The following HOXB2 variants were observed in gnomAD, a reference collection of about 807,000 sequenced individuals.
HOXB2 encodes homeobox protein Hox-B2.
HOXB2 carries 14 observed loss-of-function variants against 13.1 expected under a neutral mutation model. The observed-to-expected ratio is 1.07, with a 90% CI of 0.71 to 1.67. The LOEUF (loss-of-function observed/expected upper bound fraction) is 1.67, where lower values mean the gene tolerates loss of function less well. Among genes scored for constraint, HOXB2 ranks in the 40% most tolerant of loss-of-function variants. The pLI is 0.00. For missense variants in HOXB2, 582 were observed against 488.3 expected, an observed-to-expected ratio of 1.19 and a Z score of -1.81; for synonymous variants, 261 against 233.1, an observed-to-expected ratio of 1.12 and a Z score of -1.09.
At position 48,543,709 on chromosome 17, in the gene HOXB2, G is replaced by C. The variant is rs770484006; in HGVS notation, c.430C>G (p.Arg144Gly). ...TTGGTGTAAGCCGTGCGCAGCCTGCGCGCCCCGCCGCCACCAGCCTCCGGC... is the reference window on the plus strand; with the variant it reads ...TTGGTGTAAGCCGTGCGCAGCCTGCCCGCCCCGCCGCCACCAGCCTCCGGC... Reference protein sequence around the residue: ...GLPEAGGGGARRLRTAYTNTQ... With the variant: ...GLPEAGGGGAGRLRTAYTNTQ... Residue 144 changes from arginine to glycine, a missense_variant, in exon 2 of 2, where the codon CGC (arginine) becomes GGC (glycine). Physicochemically the swap from Arg to Gly is moderately radical, Grantham distance 125 (BLOSUM62 -2). Coordinates refer to ENST00000330070, the MANE Select transcript of HOXB2 (RefSeq NM_002145.4). 9.9e-6 allele frequency: 16 copies of C among 1,608,152 alleles called. No individual in the cohort carries two copies. The highest frequency in any genetic ancestry group is 1.4e-5 in the Non-Finnish European group (16 of 1,177,096).
intron 1 of HOXB2, chr17:48,544,035 C>T (rs2068538755): frequency 2.4e-6 from 3 of 1,260,002 alleles, no homozygotes; most frequent in Non-Finnish European, 3.0e-6. Flanking sequence ...CCCTCCCAAG[C>T]CCTCCCAGTG....
In HOXB2 at chr17:48,543,633, C is replaced by T; in HGVS notation, c.506G>A (p.Cys169Tyr). Residue 169 changes from cysteine to tyrosine, a missense_variant, in exon 2 of 2, where the codon TGC (cysteine) becomes TAC (tyrosine). Transcript: ENST00000330070. ...CGCGATCTCGACGCGGCGTGGCCGG[C>T]ACAGGTACTTATTAAAGTGGAATTC... ...EKEFHFNKYL[C>Y]RPRRVEIAAL... 6.2e-7 allele frequency: 1 copy of T among 1,613,696 alleles called. No individual in the cohort carries two copies. The highest frequency in any genetic ancestry group is 8.5e-7 in the Non-Finnish European group (1 of 1,179,994).
At position 48,543,712 on chromosome 17, in the gene HOXB2, C is replaced by T. The variant is rs1483289473; in HGVS notation, c.427G>A (p.Ala143Thr). Residue 143 changes from alanine (A) to threonine (T), a missense_variant, in exon 2 of 2, where the codon GCG (alanine) becomes ACG (threonine). Physicochemically the swap from Ala to Thr is moderately conservative, Grantham distance 58. Coordinates refer to ENST00000330070, the MANE Select transcript of HOXB2 (RefSeq NM_002145.4). ...LGLPEAGGGGARRLRTAYTNT... is the reference protein window; with the variant it reads ...LGLPEAGGGGTRRLRTAYTNT... Reference sequence around the variant, plus strand: ...GTGTAAGCCGTGCGCAGCCTGCGCGCCCCGCCGCCACCAGCCTCCGGCAGT... The same window carrying T: ...GTGTAAGCCGTGCGCAGCCTGCGCGTCCCGCCGCCACCAGCCTCCGGCAGT... 1.1e-5 allele frequency: 17 copies of T among 1,608,578 alleles called. No homozygotes were observed. The highest frequency in any genetic ancestry group is 1.4e-5 in the Non-Finnish European group (16 of 1,177,210).
intron 1 of HOXB2, 25 bp downstream of exon 1, chr17:48,544,496 C>T (rs1248733627): frequency 1.3e-6 from 2 of 1,581,936 alleles, no homozygotes; most frequent in Non-Finnish European, 1.7e-6. Flanking sequence ...CTGCCCCTCA[C>T]CCCACCCCCA....
rs200745542 is a variant in HOXB2, at chr17:48,544,592, G to A, written c.320C>T (p.Pro107Leu). The A allele has an allele frequency of 3.1e-5, 50 of 1,609,100 alleles. No homozygotes were observed. In the East Asian group the frequency reaches 1.1e-3, roughly 36 times the overall value. ...WMKEKKSAKK[P>L]SQSATSPSPA... is the part of the protein sequence containing the mutation. ...AGAAGGAGACGTGGCGGATTGGCTGGGTTTCTTGGCGGATTTCTTCTCTTT... is the reference window on the plus strand; with the variant it reads ...AGAAGGAGACGTGGCGGATTGGCTGAGTTTCTTGGCGGATTTCTTCTCTTT... The change falls in exon 1 of 2, where the codon CCC (proline) becomes CTC (leucine). Residue 107 changes from proline to leucine, a missense_variant. Coordinates refer to ENST00000330070, the MANE Select transcript of HOXB2 (RefSeq NM_002145.4).
Position 48,545,041 on chromosome 17 carries a change from CTTTT to C in HOXB2, c.-134_-131del. ...TTGGGAGGGGGAGATTTCGGTCTCT[CTTTT>C]TTTTAATTTTGGGCCTTTATAATTG... On this transcript the variant is annotated 5_prime_UTR_variant, in exon 1 of 2. Coordinates refer to ENST00000330070, the MANE Select transcript of HOXB2 (RefSeq NM_002145.4). 2.6e-6 allele frequency: 2 copies of C among 758,498 alleles called. No individual in the cohort carries two copies. The highest frequency in any genetic ancestry group is 2.8e-5 in the East Asian group (1 of 35,172). 47.0% of individuals were successfully genotyped at this position (758,498 alleles called of 1,614,324 possible).
In HOXB2 at chr17:48,543,449, G is replaced by T; in HGVS notation, c.690C>A (p.Ala230=). 1 of 1,604,170 alleles carries T rather than the reference G, an allele frequency of 6.2e-7. No homozygotes were observed. The highest frequency in any genetic ancestry group is 1.1e-5 in the South Asian group (1 of 90,616). The part of the protein sequence containing the change: ...DICDPAEEPA[A]SPGGPSASRA... ...GCGAGGCGGAGGGGCCGCCCGGGCT[G>T]GCCGCGGGTTCCTCGGCAGGGTCGC... The change falls in exon 2 of 2, where the codon GCC becomes GCA. Residue 230 remains alanine, a synonymous_variant. Transcript: ENST00000330070.
Position 48,543,309 on chromosome 17 carries a change from C to A in HOXB2, c.830G>T (p.Cys277Phe). The A allele has an allele frequency of 6.2e-7, 1 of 1,601,714 alleles. No homozygotes were observed. The highest frequency in any genetic ancestry group is 1.1e-5 in the South Asian group (1 of 90,792). Residue 277 changes from cysteine to phenylalanine, a missense_variant, in exon 2 of 2, where the codon TGC becomes TTC. By Grantham distance (205) the Cys-to-Phe change is radical (BLOSUM62 -2). Coordinates refer to ENST00000330070, the MANE Select transcript of HOXB2 (RefSeq NM_002145.4). ...CAGCCCGCCGGCCCCGCGCAGCGCG[C>A]AGCCGGGACTCGACGCGCCTGCGCC... ...LEGAGASSPG[C>F]ALRGAGGLEP...
rs779952951 is a variant in HOXB2, at chr17:48,543,676, G to A, written c.463C>T (p.Leu155=). Reference sequence around the variant, plus strand: ...TGGAATTCCTTCTCCAGTTCCAGCAGCTGCGTGTTGGTGTAAGCCGTGCGC... The same window carrying A: ...TGGAATTCCTTCTCCAGTTCCAGCAACTGCGTGTTGGTGTAAGCCGTGCGC... The part of the protein sequence containing the change: ...RLRTAYTNTQ[L]LELEKEFHFN... Residue 155 remains leucine (L), a synonymous_variant, in exon 2 of 2, where the codon CTG becomes TTG. Transcript: ENST00000330070. 3.7e-6 allele frequency: 6 copies of A among 1,613,416 alleles called. No homozygotes were observed. Among genetic ancestry groups the A allele is most frequent in the Non-Finnish European group, 5.1e-6 (6 of 1,179,968 alleles).
At position 48,543,414 on chromosome 17, in the gene HOXB2, C is replaced by T. The variant is rs1287690917; in HGVS notation, c.725G>A (p.Trp242Ter). ...CTCCGGCGGGTGACAGCAGGCTTCC[C>T]ACGCCGCCCGCGAGGCGGAGGGGCC... ...PGGPSASRAAWEACCHPPEVV... is the reference protein window; with the variant it reads ...PGGPSASRAA Residue 242 changes from tryptophan to a stop codon, truncating the protein, a stop_gained, in exon 2 of 2, where the codon TGG becomes TAG. Coordinates refer to ENST00000330070, the MANE Select transcript of HOXB2 (RefSeq NM_002145.4). LOFTEE classifies it low-confidence loss of function (END_TRUNC). The T allele has an allele frequency of 6.3e-7, 1 of 1,583,818 alleles. No individual in the cohort carries two copies. The highest frequency in any genetic ancestry group is 8.6e-7 in the Non-Finnish European group (1 of 1,168,188).
At position 48,544,948 on chromosome 17, in the gene HOXB2, G is replaced by GGGGGGGGGGGGGGGGGGGGGGC; in HGVS notation, c.-38_-37insGCCCCCCCCCCCCCCCCCCCCC. The GGGGGGGGGGGGGGGGGGGGGGC allele has an allele frequency of 1.0e-5, 11 of 1,051,184 alleles. No individual in the cohort carries two copies. In the East Asian group the frequency reaches 2.0e-4, roughly 19 times the overall value. The allele number at this position is 1,051,184 out of a possible 1,614,324, so 65.1% of individuals were successfully genotyped here. ...GTGGGGGAGGGGGCTGCTGGGGGGG[G>GGGGGGGGGGGGGGGGGGGGGGC]CGTCAGGAGGGAGGATCGGAAGGGA... On this transcript the variant is annotated 5_prime_UTR_variant, in exon 1 of 2. Coordinates refer to ENST00000330070, the MANE Select transcript of HOXB2 (RefSeq NM_002145.4).
At position 48,543,088 on chromosome 17, in the gene HOXB2, T is replaced by A. The variant is rs145797883; in HGVS notation, c.1051A>T (p.Ile351Phe). ...ACAGGTTAGGGAAACTGCAGGTCGATGGCACAGAGCGTACTGGTGAAAAAA... is the reference window on the plus strand; with the variant it reads ...ACAGGTTAGGGAAACTGCAGGTCGAAGGCACAGAGCGTACTGGTGAAAAAA... Reference protein sequence around the residue: ...LDFFTSTLCAIDLQFP With the variant: ...LDFFTSTLCAFDLQFP The change falls in exon 2 of 2, where the codon ATC becomes TTC. Residue 351 changes from isoleucine (I) to phenylalanine (F), a missense_variant. Physicochemically the swap from Ile to Phe is conservative, Grantham distance 21 (BLOSUM62 0). Transcript: ENST00000330070. 2 of 1,603,964 alleles carry A rather than the reference T, an allele frequency of 1.2e-6. No individual in the cohort carries two copies. The highest frequency in any genetic ancestry group is 2.7e-5 in the African/African-American group (2 of 74,018).
Position 48,544,533 on chromosome 17 carries a change from C to G in HOXB2, c.379G>C (p.Gly127Arg), listed in dbSNP as rs1268085680. 4 of 1,604,074 alleles carry G rather than the reference C, an allele frequency of 2.5e-6. No homozygotes were observed. The highest frequency in any genetic ancestry group is 2.5e-6 in the Non-Finnish European group (3 of 1,179,430). ...CACGCTTACCGACCTGCAGGCGATC[C>G]GACCCCGGAGGCCGGAACGGCGGAG... Reference protein sequence around the residue: ...AASAVPASGVGSPADGLGLPE... With the variant: ...AASAVPASGVRSPADGLGLPE... The change falls in exon 1 of 2, where the codon GGA becomes CGA. Residue 127 changes from glycine to arginine, a missense_variant. Gly to Arg is a moderately radical substitution (Grantham distance 125, BLOSUM62 -2). Transcript: ENST00000330070.
rs1239004949 is a variant in HOXB2 at position 48,543,279 on chromosome 17, G to C, written c.860C>G (p.Pro287Arg). 6.2e-6 allele frequency: 10 copies of C among 1,604,554 alleles called. No homozygotes were observed. Among genetic ancestry groups the C allele is most frequent in the Non-Finnish European group, 8.5e-6 (10 of 1,178,840 alleles). The change falls in exon 2 of 2, where the codon CCC (proline) becomes CGC (arginine). Residue 287 changes from proline to arginine, a missense_variant. Pro to Arg is a moderately radical substitution (Grantham distance 103). Transcript: ENST00000330070. ...GAAGACGTCTTCTGGCAATGGCCCG[G>C]GCTCCAGCCCGCCGGCCCCGCGCAG... The part of the protein sequence containing the change: ...CALRGAGGLE[P>R]GPLPEDVFSG...
Position 48,542,818 on chromosome 17 carries a change from G to C in HOXB2, c.*250C>G, listed in dbSNP as rs1429487159. The C allele has an allele frequency of 2.7e-6, 1 of 369,366 alleles. No individual in the cohort carries two copies. The highest frequency in any genetic ancestry group is 2.1e-5 in the African/African-American group (1 of 47,926). 22.9% of individuals were successfully genotyped at this position (369,366 alleles called of 1,614,324 possible). A position where few individuals can be genotyped will look rare whatever the true frequency, so the allele number is the denominator to read the frequency against. On this transcript the variant is annotated 3_prime_UTR_variant, in exon 2 of 2. Transcript: ENST00000330070. ...TTATTTTTAAGAAAGTCCCCCTAGA[G>C]TTTAATTATTCCTGAGATTTCATTG...
chr17:48,543,503 A>G lies in HOXB2; in HGVS notation c.636T>C (p.Pro212=), dbSNP rs754266465. 5 of 1,611,178 alleles carry G rather than the reference A, an allele frequency of 3.1e-6. No individual in the cohort carries two copies. In the African/African-American group the frequency reaches 5.4e-5, roughly 17 times the overall value. ...TQHREPPDGE[P]ACPGALEDIC... ...TGTCCTCCAGGGCTCCCGGGCAGGC[A>G]GGCTCCCCATCCGGCGGCTCTCGGT... Residue 212 remains proline, a synonymous_variant, in exon 2 of 2, where the codon CCT becomes CCC. Coordinates refer to ENST00000330070, the MANE Select transcript of HOXB2 (RefSeq NM_002145.4).
In HOXB2 at chr17:48,544,636, G is replaced by A. The variant is rs756975990; in HGVS notation, c.276C>T (p.Ala92=). ...PPPPLPAAPP[A]PEFPWMKEKK... ...TCTCTTTCATCCAAGGGAACTCGGG[G>A]GCCGGGGGGGCAGCGGGGAGTGGCG... is the stretch of plus-strand genomic sequence containing the variant. The change falls in exon 1 of 2, where the codon GCC becomes GCT. Residue 92 remains alanine, a synonymous_variant. Transcript: ENST00000330070. The A allele has an allele frequency of 8.7e-6, 14 of 1,611,928 alleles. No homozygotes were observed. The highest frequency in any genetic ancestry group is 5.0e-5 in the Admixed American group (3 of 59,964).
chr17:48,544,130 ATTC>A, intron 1 of HOXB2: 1 of 985,252 alleles, frequency 1.0e-6, no homozygotes, highest in Non-Finnish European at 1.2e-6. Flanking sequence ...CTAGCTCTGA[ATTC>A]TTCCTCTTCT....
chr17:48,544,625 G>C lies in HOXB2; in HGVS notation c.287C>G (p.Pro96Arg), dbSNP rs530903971. 1 of 1,611,710 alleles carries C rather than the reference G, an allele frequency of 6.2e-7. No homozygotes were observed. The highest frequency in any genetic ancestry group is 1.3e-5 in the African/African-American group (1 of 74,998). The change falls in exon 1 of 2, where the codon CCT (proline) becomes CGT (arginine). Residue 96 changes from proline (P) to arginine (R), a missense_variant. Transcript: ENST00000330070. ...GGCGGATTTCTTCTCTTTCATCCAA[G>C]GGAACTCGGGGGCCGGGGGGGCAGC... The part of the protein sequence containing the change: ...LPAAPPAPEF[P>R]WMKEKKSAKK...
Sources: gnomAD v4.1 joint callset for allele counts on GRCh38, gnomAD v4.1.1 for gene constraint, MANE v1.5 for transcripts, NCBI Gene and HGNC (gene_info 2026-07-23, HGNC 2026-07-21) for gene names.